ABCC9: variants seen among roughly 807,000 people sequenced by gnomAD.
The protein encoded by ABCC9 is ATP binding cassette subfamily C member 9.
Under a neutral mutation model 188.3 loss-of-function variants are expected in ABCC9, and 95 were observed. The ratio of observed to expected loss-of-function variants is 0.50; its 90% confidence interval spans 0.43 to 0.60. The LOEUF (loss-of-function observed/expected upper bound fraction) is 0.60, where lower values mean the gene tolerates loss of function less well. ABCC9 is among the 20% of genes least tolerant of loss of function. The pLI is 0.00. For synonymous variants in ABCC9, 659 were observed against 652.7 expected, an observed-to-expected ratio of 1.01 and a Z score of -0.15; for missense variants, 1,102 against 1,876.3, an observed-to-expected ratio of 0.59 and a Z score of 7.62.
chr12:21,917,128 A>G, intron 5 of ABCC9, 25 bp from the exon 6 acceptor site: 1 of 1,610,784 alleles, frequency 6.2e-7, no homozygotes, highest in Non-Finnish European at 8.5e-7. Flanking sequence ...ACAAAAAGAG[A>G]AAGATGCAAT....
At chr12:21,843,500 TAA>T (rs902833719) in intron 28 of ABCC9, among the ~76,000 whole-genome samples, 1 of 152,180 alleles carries the variant, frequency 6.6e-6, no homozygotes, top group African/African-American at 2.4e-5. Context: ...TTCTTCACAT[TAA>T]GTTTATTTCT....
At chr12:21,842,276 T>G in intron 29 of ABCC9, 38 bp downstream of exon 29, 2 of 1,603,478 alleles carry the variant, frequency 1.2e-6, no homozygotes, top group Non-Finnish European at 1.7e-6. Context: ...TGACTGTAGA[T>G]AAGCTTTTGA....
At chr12:21,818,429 A>G (rs974005151) in intron 31 of ABCC9, among the ~76,000 whole-genome samples, 178 bp from the exon 32 acceptor site, 3 of 150,802 alleles carry the variant, frequency 2.0e-5, no homozygotes, top group Non-Finnish European at 3.0e-5. Flanking sequence ...TTAGAGCTGG[A>G]ATGGAGAGTG....
chr12:21,855,186 T>C (rs182497233), intron 22 of ABCC9, among the ~76,000 whole-genome samples: 1 of 152,284 alleles, frequency 6.6e-6, no homozygotes, highest in East Asian at 1.9e-4. Flanking sequence ...ATAATTCAAT[T>C]TGACTGTCCA....
intron 4 of ABCC9, among the ~76,000 whole-genome samples, 196 bp downstream of exon 4, chr12:21,933,586 A>G (rs1317258912): frequency 2.6e-5 from 4 of 152,248 alleles, no homozygotes; most frequent in Admixed American, 1.3e-4. Flanking sequence ...GTAAATGTAG[A>G]CAATCTTTCC....
At chr12:21,822,525 T>C (rs1217356860) in intron 31 of ABCC9, among the ~76,000 whole-genome samples, 1 of 152,068 alleles carries the variant, frequency 6.6e-6, no homozygotes, top group Non-Finnish European at 1.5e-5. Context: ...TGTGGCCAGG[T>C]GCAGTGGCTC....
rs772185332 is a variant in ABCC9, at chr12:21,864,484, G to A, written c.2199-7C>T. The A allele has an allele frequency of 6.3e-7, 1 of 1,580,126 alleles. No individual in the cohort carries two copies. The highest frequency in any genetic ancestry group is 8.7e-7 in the Non-Finnish European group (1 of 1,149,298). ...AGGCTCAGATTCATTTACACTGCAA[G>A]TATGGCAAACAATGTTCATTAATTA... On this transcript the variant is annotated splice_region_variant and splice_polypyrimidine_tract_variant and intron_variant, in intron 18 of 39. Coordinates refer to ENST00000261200, the MANE Select transcript of ABCC9 (RefSeq NM_020297.4).
intron 30 of ABCC9, among the ~76,000 whole-genome samples, chr12:21,834,625 A>G (rs997627569): frequency 2.0e-5 from 3 of 152,030 alleles, no homozygotes; most frequent in Non-Finnish European, 4.4e-5. Context: ...CTATCTGGAT[A>G]TATATATGTA....
intron 16 of ABCC9, among the ~76,000 whole-genome samples, chr12:21,879,801 C>T (rs1946535176): frequency 6.6e-6 from 1 of 151,686 alleles, no homozygotes; most frequent in South Asian, 2.1e-4. Flanking sequence ...AAGGTGTGAG[C>T]CCCAGAACAC....
intron 37 of ABCC9, among the ~76,000 whole-genome samples, chr12:21,809,520 T>TTGA (rs1942085598): frequency 6.6e-6 from 1 of 152,106 alleles, no homozygotes; most frequent in Non-Finnish European, 1.5e-5. Context: ...TGATGGTAGG[T>TTGA]GATCAGACAG....
intron 35 of ABCC9, among the ~76,000 whole-genome samples, chr12:21,813,892 G>A (rs114611816): frequency 3.9e-3 from 586 of 152,142 alleles, no homozygotes; most frequent in African/African-American, 0.013. Flanking sequence ...TATAGTCATC[G>A]TAATCATTAC....
intron 37 of ABCC9, 105 bp from the exon 38 acceptor site, chr12:21,807,584 T>A (rs1470491708): frequency 6.8e-7 from 1 of 1,481,022 alleles, no homozygotes; most frequent in Non-Finnish European, 9.3e-7. Context: ...GCATGATGGA[T>A]ATCACTTAGT....
intron 11 of ABCC9, among the ~76,000 whole-genome samples, chr12:21,907,380 G>A (rs1274887162): frequency 6.6e-6 from 1 of 152,052 alleles, no homozygotes; most frequent in Non-Finnish European, 1.5e-5. Context: ...AAACAATCCT[G>A]TCAGTGGCAG....
chr12:21,874,980 G>T (rs996400402), intron 17 of ABCC9, among the ~76,000 whole-genome samples: 3 of 152,084 alleles, frequency 2.0e-5, no homozygotes. Context: ...CTAGAAATCT[G>T]CTGGTCAATA....
chr12:21,916,258 C>T (rs1012075611), intron 6 of ABCC9, among the ~76,000 whole-genome samples: 6 of 152,160 alleles, frequency 3.9e-5, no homozygotes, highest in Non-Finnish European at 8.8e-5. Flanking sequence ...AATGTATTAT[C>T]AACACCATTA....
intron 4 of ABCC9, among the ~76,000 whole-genome samples, chr12:21,927,958 G>A (rs144668498): frequency 1.5e-4 from 23 of 152,186 alleles, no homozygotes; most frequent in South Asian, 6.2e-4. Context: ...GGTGGCTTAC[G>A]CTTGCAATCC....
At chr12:21,884,681 A>G (rs1481919092) in intron 15 of ABCC9, among the ~76,000 whole-genome samples, 1 of 152,244 alleles carries the variant, frequency 6.6e-6, no homozygotes, top group Admixed American at 6.5e-5. Flanking sequence ...TTGCTAGGCT[A>G]CATGCAAATA....
chr12:21,909,560 A>G (rs1592209455), intron 10 of ABCC9, among the ~76,000 whole-genome samples: 1 of 152,110 alleles, frequency 6.6e-6, no homozygotes, highest in South Asian at 2.1e-4. Flanking sequence ...GTTATTTTAC[A>G]TAGGAAATAG....
At chr12:21,830,334 CT>C (rs1180386034) in intron 30 of ABCC9, among the ~76,000 whole-genome samples, 2 of 152,050 alleles carry the variant, frequency 1.3e-5, no homozygotes, top group African/African-American at 2.4e-5. Context: ...ATAAAAATAA[CT>C]GGTTTGAAGG....
Sources: allele counts gnomAD v4.1 joint callset (sites outside exome capture counted in the v4.1 genomes callset), GRCh38; gene constraint gnomAD v4.1.1; transcripts MANE v1.5; gene names NCBI Gene and HGNC (gene_info 2026-07-23, HGNC 2026-07-21).